Variants in HS6ST3 observed in about 807,000 individuals in gnomAD.
HS6ST3 encodes heparan sulfate 6-O-sulfotransferase 3, also known as heparan-sulfate 6-O-sulfotransferase 3.
HS6ST3 carries 12 observed loss-of-function variants against 36.7 expected under a neutral mutation model. The observed-to-expected ratio is 0.33, with a 90% CI of 0.21 to 0.53. The LOEUF (loss-of-function observed/expected upper bound fraction) is 0.53. Ranked by LOEUF, HS6ST3 falls within the 20% of genes least tolerant of loss-of-function variation. The pLI is 0.95. For synonymous variants in HS6ST3, 240 were observed against 257.5 expected, an observed-to-expected ratio of 0.93 and a Z score of 0.65; for missense variants, 584 against 640.9, an observed-to-expected ratio of 0.91 and a Z score of 0.96.
At chr13:96,632,132 A>G (rs2056533995) in intron 1 of HS6ST3, among the ~76,000 whole-genome samples, 2 of 152,024 alleles carry the variant, frequency 1.3e-5, no homozygotes, top group Admixed American at 1.3e-4. Flanking sequence ...GGCTTAGGGG[A>G]GTGACTTTGC....
chr13:96,248,185 A>G (rs2054592754), intron 1 of HS6ST3, among the ~76,000 whole-genome samples: 1 of 152,212 alleles, frequency 6.6e-6, no homozygotes, highest in South Asian at 2.1e-4. Flanking sequence ...CGCCATAATT[A>G]ATATACATGC....
chr13:96,728,210 CT>C (rs1217002693), intron 1 of HS6ST3, among the ~76,000 whole-genome samples: 4 of 152,098 alleles, frequency 2.6e-5, no homozygotes, highest in Non-Finnish European at 5.9e-5. Context: ...GTAAAGTACA[CT>C]TTTTTATTGT....
intron 1 of HS6ST3, among the ~76,000 whole-genome samples, chr13:96,242,076 C>T (rs1178261523): frequency 2.0e-5 from 3 of 151,634 alleles, no homozygotes; most frequent in Admixed American, 6.6e-5. Flanking sequence ...TGAGCCACCG[C>T]GCCTGGCCTG....
At chr13:96,826,046 A>G (rs981251451) in intron 1 of HS6ST3, among the ~76,000 whole-genome samples, 2 of 152,234 alleles carry the variant, frequency 1.3e-5, no homozygotes, top group Non-Finnish European at 2.9e-5. Flanking sequence ...TAAAGAAGAG[A>G]ACAAATTATA....
chr13:96,510,751 TC>T (rs1156507450), intron 1 of HS6ST3, among the ~76,000 whole-genome samples: 1 of 152,170 alleles, frequency 6.6e-6, no homozygotes, highest in Non-Finnish European at 1.5e-5. Flanking sequence ...TCTATTTTAT[TC>T]CCTAGTGTCA....
At chr13:96,366,953 C>A (rs964510211) in intron 1 of HS6ST3, among the ~76,000 whole-genome samples, 4 of 152,166 alleles carry the variant, frequency 2.6e-5, no homozygotes, top group African/African-American at 7.2e-5. Context: ...GTAAGATGTG[C>A]CTTTGTCCCT....
intron 1 of HS6ST3, among the ~76,000 whole-genome samples, chr13:96,189,199 A>G (rs2054278025): frequency 6.6e-6 from 1 of 152,142 alleles, no homozygotes; most frequent in African/African-American, 2.4e-5. Flanking sequence ...TTTTATTTAT[A>G]GTTTTATTGA....
At chr13:96,152,316 C>CTTTTTTTTTTTTTTTT (rs766489670) in intron 1 of HS6ST3, among the ~76,000 whole-genome samples, 4 of 97,090 alleles carry the variant, frequency 4.1e-5, no homozygotes, top group African/African-American at 7.8e-5. Context: ...GGCCCCTTTC[C>CTTTTTTTTTTTTTTTT]TTTTTTTTTT....
At chr13:96,725,426 T>G (rs1875978414) in intron 1 of HS6ST3, among the ~76,000 whole-genome samples, 1 of 152,202 alleles carries the variant, frequency 6.6e-6, no homozygotes. Flanking sequence ...TGGTGTCATA[T>G]CTATGAAATC....
At chr13:96,508,605 A>G (rs534333965) in intron 1 of HS6ST3, among the ~76,000 whole-genome samples, 1 of 152,150 alleles carries the variant, frequency 6.6e-6, no homozygotes, top group Admixed American at 6.6e-5. Context: ...CTTAGCTCTC[A>G]CTTATAAGTG....
intron 1 of HS6ST3, among the ~76,000 whole-genome samples, chr13:96,334,011 C>T (rs2055086541): frequency 6.6e-6 from 1 of 152,070 alleles, no homozygotes; most frequent in Non-Finnish European, 1.5e-5. Flanking sequence ...GTACCTGGCA[C>T]CACGGCCTGT....
At chr13:96,577,746 A>G (rs554297827) in intron 1 of HS6ST3, among the ~76,000 whole-genome samples, 33 of 152,328 alleles carry the variant, frequency 2.2e-4, no homozygotes, top group African/African-American at 7.7e-4. Context: ...AAAAAAGCTC[A>G]TCGTCACTGG....
chr13:96,176,541 CAA>C (rs112198287), intron 1 of HS6ST3, among the ~76,000 whole-genome samples: 1 of 98,980 alleles, frequency 1.0e-5, no homozygotes, highest in African/African-American at 3.7e-5. Flanking sequence ...GTGGTCTTGC[CAA>C]AAAAAAAAAA....
chr13:96,300,303 C>T (rs540052495), intron 1 of HS6ST3, among the ~76,000 whole-genome samples: 5 of 151,866 alleles, frequency 3.3e-5, no homozygotes, highest in East Asian at 3.9e-4. Flanking sequence ...GTGATCCACC[C>T]GTCTCGGCCT....
chr13:96,780,196 T>A (rs1877492010), intron 1 of HS6ST3, among the ~76,000 whole-genome samples: 1 of 151,440 alleles, frequency 6.6e-6, no homozygotes, highest in African/African-American at 2.4e-5. Flanking sequence ...AGATGGAGAG[T>A]AGAGCTGAAG....
intron 1 of HS6ST3, among the ~76,000 whole-genome samples, chr13:96,798,127 C>T (rs556836718): frequency 7.2e-5 from 11 of 152,004 alleles, no homozygotes; most frequent in Admixed American, 3.9e-4. Context: ...CTTATTATGA[C>T]GGATATAAAC....
At chr13:96,450,932 C>T (rs1302693750) in intron 1 of HS6ST3, among the ~76,000 whole-genome samples, 1 of 152,058 alleles carries the variant, frequency 6.6e-6, no homozygotes, top group African/African-American at 2.4e-5. Context: ...GCCCTTCAAA[C>T]CCCTATGTGA....
chr13:96,173,669 T>TAA (rs5805954), intron 1 of HS6ST3, among the ~76,000 whole-genome samples: 8,055 of 94,714 alleles, frequency 0.085, 674 homozygotes, highest in Middle Eastern at 0.12. Context: ...TCACAGGTTG[T>TAA]AAAAAAAAAA....
intron 1 of HS6ST3, among the ~76,000 whole-genome samples, chr13:96,367,418 G>A (rs191444402): frequency 5.9e-5 from 9 of 152,272 alleles, no homozygotes; most frequent in Admixed American, 5.9e-4. Flanking sequence ...TAATGTGTAT[G>A]GATTTTCTTC....
Sources: gnomAD v4.1 joint callset for allele counts (sites outside exome capture counted in the v4.1 genomes callset) on GRCh38, gnomAD v4.1.1 for gene constraint, MANE v1.5 for transcripts, NCBI Gene and HGNC (gene_info 2026-07-23, HGNC 2026-07-21) for gene names.